Variants in FHIT observed in about 807,000 individuals in gnomAD.
FHIT encodes bis(5'-adenosyl)-triphosphatase.
FHIT carries 19 observed loss-of-function variants against 17.9 expected under a neutral mutation model. The observed-to-expected ratio is 1.06, with a 90% CI of 0.74 to 1.56. The LOEUF is 1.56. FHIT is among the 40% of genes most tolerant of loss of function. The pLI is 0.00. For missense variants in FHIT, 248 were observed against 189.2 expected (o/e 1.31, Z -1.82); for synonymous variants, 81 against 69.7 (o/e 1.16, Z -0.81).
chr3:60,324,817 T>C (rs1576476885), intron 5 of FHIT, among the ~76,000 whole-genome samples: 1 of 152,208 alleles, frequency 6.6e-6, no homozygotes, highest in South Asian at 2.1e-4. Context: ...TGGCTGATGA[T>C]ATACCTTGGT....
chr3:60,808,941 C>T (rs1302185040), intron 4 of FHIT, among the ~76,000 whole-genome samples: 2 of 152,190 alleles, frequency 1.3e-5, no homozygotes, highest in African/African-American at 4.8e-5. Context: ...ATTCAACATA[C>T]ACGAAACAGT....
chr3:60,851,072 C>G (rs1703135667), intron 3 of FHIT, among the ~76,000 whole-genome samples: 1 of 152,112 alleles, frequency 6.6e-6, no homozygotes, highest in Admixed American at 6.6e-5. Context: ...GAGAAATACT[C>G]TTTTAAAAGA....
intron 6 of FHIT, among the ~76,000 whole-genome samples, chr3:60,012,873 A>C (rs1700195044): frequency 6.6e-6 from 1 of 152,180 alleles, no homozygotes; most frequent in Admixed American, 6.5e-5. Flanking sequence ...TTTCCTATAA[A>C]TGTGATTTTT....
At chr3:60,846,444 A>G (rs1165946800) in intron 3 of FHIT, among the ~76,000 whole-genome samples, 1 of 152,232 alleles carries the variant, frequency 6.6e-6, no homozygotes, top group Non-Finnish European at 1.5e-5. Flanking sequence ...AGAGGATTTG[A>G]GTTCTAAAGC....
At chr3:61,033,053 C>A (rs77379378) in intron 3 of FHIT, among the ~76,000 whole-genome samples, 1 of 152,242 alleles carries the variant, frequency 6.6e-6, no homozygotes, top group Admixed American at 6.5e-5. Flanking sequence ...GTTCTATTCA[C>A]GTCCTCAAGA....
chr3:59,774,390 G>A (rs187165094), intron 8 of FHIT, among the ~76,000 whole-genome samples: 1 of 152,300 alleles, frequency 6.6e-6, no homozygotes, highest in East Asian at 1.9e-4. Context: ...GAACTGGACC[G>A]ATTGACTTAA....
intron 4 of FHIT, among the ~76,000 whole-genome samples, chr3:60,562,689 C>T (rs2036994594): frequency 6.6e-6 from 1 of 152,132 alleles, no homozygotes; most frequent in African/African-American, 2.4e-5. Flanking sequence ...CAGCTCCACT[C>T]CAGATGTAAT....
At chr3:61,250,795 T>C (rs180716317) in intron 1 of FHIT, among the ~76,000 whole-genome samples, 1 of 152,338 alleles carries the variant, frequency 6.6e-6, no homozygotes, top group African/African-American at 2.4e-5. Flanking sequence ...CCTCTTTGCC[T>C]GTTTTTGAAG....
chr3:60,922,396 C>T (rs2044612), intron 3 of FHIT, among the ~76,000 whole-genome samples: 2,838 of 152,202 alleles, frequency 0.019, 89 homozygotes, highest in African/African-American at 0.065. Flanking sequence ...GCAAATCAGC[C>T]CAGTGTCAGA....
chr3:60,030,231 T>A (rs1700944828), intron 5 of FHIT, among the ~76,000 whole-genome samples: 1 of 152,232 alleles, frequency 6.6e-6, no homozygotes, highest in Non-Finnish European at 1.5e-5. Flanking sequence ...ATGCATGTTC[T>A]ATATTCCATA....
chr3:60,714,638 T>C (rs1159558631), intron 4 of FHIT, among the ~76,000 whole-genome samples: 7 of 152,046 alleles, frequency 4.6e-5, no homozygotes, highest in South Asian at 2.1e-4. Context: ...TATACACCAA[T>C]GACAGACAAA....
rs564245310 is a variant in FHIT at position 59,780,327 on chromosome 3, G to C, written c.349-28006C>G. Among the ~76,000 whole-genome samples, 121 of 152,326 alleles carry C rather than the reference G, an allele frequency of 7.9e-4. 4 individuals are homozygous for C. In the South Asian group the frequency reaches 0.024, roughly 30 times the overall value. On this transcript the variant is annotated intron_variant, in intron 8 of 9. Transcript: ENST00000492590. The stretch of plus-strand genomic sequence containing the variant: ...TTGGTATTAGGATTGCTTTGTTCTT[G>C]TTACAGATGAAGAAGTAGAATGTCA...
intron 7 of FHIT, among the ~76,000 whole-genome samples, chr3:59,991,590 GTTA>G (rs1280651127): frequency 6.6e-6 from 1 of 152,024 alleles, no homozygotes; most frequent in African/African-American, 2.4e-5. Context: ...TTGCTATCGG[GTTA>G]TTCTCTAGGA....
At chr3:59,871,755 G>T (rs1702934972) in intron 8 of FHIT, among the ~76,000 whole-genome samples, 1 of 152,188 alleles carries the variant, frequency 6.6e-6, no homozygotes, top group African/African-American at 2.4e-5. Flanking sequence ...AATCCAGGTA[G>T]CCTAATTTCC....
At chr3:60,250,208 G>C (rs1705624723) in intron 5 of FHIT, among the ~76,000 whole-genome samples, 1 of 152,160 alleles carries the variant, frequency 6.6e-6, no homozygotes, top group African/African-American at 2.4e-5. Flanking sequence ...CTACAGCTGA[G>C]CAAGATAGTT....
chr3:59,984,378 T>G (rs1708794890), intron 7 of FHIT, among the ~76,000 whole-genome samples: 1 of 139,372 alleles, frequency 7.2e-6, no homozygotes, highest in Non-Finnish European at 1.6e-5. Context: ...TTCAAGCAAT[T>G]GGGGCTCAAA....
At chr3:60,504,259 C>A (rs1471268834) in intron 5 of FHIT, among the ~76,000 whole-genome samples, 8 of 151,894 alleles carry the variant, frequency 5.3e-5, no homozygotes, top group Non-Finnish European at 8.8e-5. Flanking sequence ...CATGGTGAAA[C>A]CCCGTCTCTA....
At chr3:59,782,341 TAG>T (rs1390719294) in intron 8 of FHIT, among the ~76,000 whole-genome samples, 2 of 152,154 alleles carry the variant, frequency 1.3e-5, no homozygotes, top group Admixed American at 1.3e-4. Context: ...GTAATAAAGA[TAG>T]AGTTATTTTT....
chr3:60,553,505 AT>A (rs2036632776), intron 4 of FHIT: 44 of 11,244 alleles, frequency 3.9e-3, no homozygotes, highest in Non-Finnish European at 5.7e-3. Context: ...TTAAAAAAAT[AT>A]ATATATATAT....
Sources: allele counts gnomAD v4.1 joint callset (sites outside exome capture counted in the v4.1 genomes callset), GRCh38; gene constraint gnomAD v4.1.1; transcripts MANE v1.5; gene names NCBI Gene and HGNC (gene_info 2026-07-23, HGNC 2026-07-21).